Variants in PNLIPRP3 observed in about 807,000 individuals in gnomAD.
PNLIPRP3 encodes the protein pancreatic lipase-related protein 3.
PNLIPRP3 carries 58 observed loss-of-function variants against 52.8 expected under a neutral mutation model. The ratio of observed to expected loss-of-function variants is 1.10; its 90% CI spans 0.89 to 1.37. The LOEUF (loss-of-function observed/expected upper bound fraction) is 1.37. Among genes scored for constraint, PNLIPRP3 ranks in the 40% most tolerant of loss-of-function variants. The probability of loss-of-function intolerance (pLI) is 0.00; values close to 1 mark genes in which losing one functional copy is unlikely to be tolerated. For missense variants in PNLIPRP3, 593 were observed against 561.6 expected (o/e 1.06, Z -0.57); for synonymous variants, 192 against 185.0 (o/e 1.04, Z -0.31).
Position 116,476,783 on chromosome 10 carries a change from A to G in PNLIPRP3, c.1304A>G (p.Glu435Gly). The stretch of plus-strand genomic sequence containing the variant: ...GATTCTCAGAATAAGTTGGGAGCAG[A>G]AATGGTGATAAATACATCTGGGAAA... ...FEDSQNKLGAEMVINTSGKYG... is the reference protein window; with the variant it reads ...FEDSQNKLGAGMVINTSGKYG... Residue 435 changes from glutamate to glycine, a missense_variant, in exon 11 of 12, where the codon GAA (glutamate) becomes GGA (glycine). By Grantham distance (98) the Glu-to-Gly change is moderately conservative. Transcript: ENST00000369230. The G allele has an allele frequency of 6.2e-7, 1 of 1,607,144 alleles. No individual in the cohort carries two copies. The highest frequency in any genetic ancestry group is 8.5e-7 in the Non-Finnish European group (1 of 1,177,606).
At chr10:116,470,597 C>T (rs533557366) in intron 9 of PNLIPRP3, among the ~76,000 whole-genome samples, 27 of 151,552 alleles carry the variant, frequency 1.8e-4, no homozygotes, top group Middle Eastern at 3.4e-3. Flanking sequence ...GCAAGCTCCA[C>T]CTCCCAGGTT....
intron 2 of PNLIPRP3, among the ~76,000 whole-genome samples, chr10:116,437,958 C>A (rs74158463): frequency 3.3e-5 from 5 of 151,980 alleles, no homozygotes; most frequent in African/African-American, 1.2e-4. Flanking sequence ...GGATCACACA[C>A]GGGAAACAGC....
chr10:116,465,350 C>A (rs1011746330), intron 7 of PNLIPRP3, among the ~76,000 whole-genome samples: 6 of 152,066 alleles, frequency 3.9e-5, no homozygotes, highest in Non-Finnish European at 8.8e-5. Flanking sequence ...TCCTGGCTAA[C>A]ATGGTGAAAC....
chr10:116,443,164 A>T lies in PNLIPRP3; in HGVS notation c.314A>T (p.Asp105Val). 6.2e-7 allele frequency: 1 copy of T among 1,610,238 alleles called. No individual in the cohort carries two copies. Among genetic ancestry groups the T allele is most frequent in the Non-Finnish European group, 8.5e-7 (1 of 1,177,746 alleles). The change falls in exon 3 of 12, where the codon GAC (aspartate) becomes GTC (valine). Residue 105 changes from aspartate (D) to valine (V), a missense_variant. Asp to Val is a radical substitution (Grantham distance 152). Transcript: ENST00000369230. The part of the protein sequence containing the change: ...GWKTDGKWQR[D>V]MCNVLLQLED... ...AAAACAGATGGCAAATGGCAGAGAGACATGTGCAATGTATGACATGAATAA... is the reference window on the plus strand; with the variant it reads ...AAAACAGATGGCAAATGGCAGAGAGTCATGTGCAATGTATGACATGAATAA...
chr10:116,439,683 G>C, intron 2 of PNLIPRP3: 1 of 766,650 alleles, frequency 1.3e-6, no homozygotes, highest in Non-Finnish European at 2.4e-6. Context: ...TTTTTGCCAC[G>C]TCTCCAATAG....
At chr10:116,439,455 C>A (rs898492724) in intron 2 of PNLIPRP3, 8 of 658,646 alleles carry the variant, frequency 1.2e-5, no homozygotes, top group Admixed American at 4.5e-5. Flanking sequence ...TAAATAGTTT[C>A]TTTATTCCTC....
chr10:116,435,138 A>G (rs1397943626), intron 1 of PNLIPRP3, among the ~76,000 whole-genome samples: 1 of 152,224 alleles, frequency 6.6e-6, no homozygotes, highest in Non-Finnish European at 1.5e-5. Flanking sequence ...AAAAATATTT[A>G]TCTAGTTATA....
chr10:116,464,127 G>C (rs150684560), intron 7 of PNLIPRP3, among the ~76,000 whole-genome samples: 66 of 152,274 alleles, frequency 4.3e-4, no homozygotes, highest in Non-Finnish European at 8.7e-4. Flanking sequence ...TGTCATGCTT[G>C]ATAATGACAA....
chr10:116,432,858 T>C (rs1845726211), intron 1 of PNLIPRP3, among the ~76,000 whole-genome samples: 1 of 151,966 alleles, frequency 6.6e-6, no homozygotes, highest in South Asian at 2.1e-4. Context: ...CTCATGCCTG[T>C]AATCCCAGCA....
chr10:116,446,277 C>T (rs1227735576), intron 4 of PNLIPRP3, among the ~76,000 whole-genome samples: 1 of 137,484 alleles, frequency 7.3e-6, no homozygotes, highest in Non-Finnish European at 1.5e-5. Flanking sequence ...ACCCGGGAGG[C>T]GGAGCTTGCA....
intron 5 of PNLIPRP3, among the ~76,000 whole-genome samples, chr10:116,456,818 T>A (rs1846123341): frequency 6.6e-6 from 1 of 152,212 alleles, no homozygotes; most frequent in Admixed American, 6.5e-5. Flanking sequence ...GTCTCCTTCA[T>A]CTGCCTTTTC....
intron 4 of PNLIPRP3, among the ~76,000 whole-genome samples, chr10:116,453,908 G>A (rs545116811): frequency 6.6e-6 from 1 of 152,040 alleles, no homozygotes; most frequent in South Asian, 2.1e-4. Flanking sequence ...CATTCATTAG[G>A]TATTTGTCTT....
rs1249285148 is a variant in PNLIPRP3 at position 116,462,862 on chromosome 10, T to C, written c.808+1572T>C. On this transcript the variant is annotated intron_variant, in intron 7 of 11. Coordinates refer to ENST00000369230, the MANE Select transcript of PNLIPRP3 (RefSeq NM_001011709.3). ...TATCATAAGCTATCATTTTGAGACA[T>C]TTTAAGATTTCCTATAACTTTATTG... Among the ~76,000 whole-genome samples, 3 of 152,346 alleles carry C rather than the reference T, an allele frequency of 2.0e-5. No homozygotes were observed. The East Asian group carries it at 5.8e-4, about 29-fold the overall frequency.
At position 116,471,894 on chromosome 10, in the gene PNLIPRP3, A is replaced by G. The variant is rs10749217; in HGVS notation, c.1172+15A>G. The stretch of plus-strand genomic sequence containing the variant: ...GCCATTGTCAGGTAGGCAGAGTGAG[A>G]AACTGACGCTTTGCACAGTGCTGGG... On this transcript the variant is annotated intron_variant, in intron 10 of 11. Transcript: ENST00000369230. 2 of 1,512,920 alleles carry G rather than the reference A, an allele frequency of 1.3e-6. No homozygotes were observed. Among genetic ancestry groups the G allele is most frequent in the South Asian group, 2.3e-5 (2 of 88,460 alleles). The allele number at this position is 1,512,920 out of a possible 1,614,324, so 93.7% of individuals were successfully genotyped here. A position where few individuals can be genotyped will look rare whatever the true frequency, so the allele number is the denominator to read the frequency against.
intron 4 of PNLIPRP3, 125 bp downstream of exon 4, chr10:116,444,638 G>A: frequency 1.0e-6 from 1 of 996,972 alleles, no homozygotes; most frequent in Admixed American, 2.4e-5. Context: ...GAAATAATAA[G>A]CATTTGTATA....
In PNLIPRP3 at chr10:116,436,747, A is replaced by G. The variant is rs1325827844; in HGVS notation, c.86A>G (p.Lys29Arg). 13 of 1,613,170 alleles carry G rather than the reference A, an allele frequency of 8.1e-6. No individual in the cohort carries two copies. Among genetic ancestry groups the G allele is most frequent in the South Asian group, 1.1e-5 (1 of 90,926 alleles). The stretch of plus-strand genomic sequence containing the variant: ...TGCTATGAAAGGTTAGGGTGTTTCA[A>G]AGATGGTTTACCATGGACCAGGACT... ...EVCYERLGCF[K>R]DGLPWTRTFS... is the part of the protein sequence containing the mutation. The change falls in exon 2 of 12, where the codon AAA (lysine) becomes AGA (arginine). Residue 29 changes from lysine (K) to arginine (R), a missense_variant. Physicochemically the swap from Lys to Arg is conservative, Grantham distance 26. Transcript: ENST00000369230.
intron 4 of PNLIPRP3, among the ~76,000 whole-genome samples, chr10:116,445,014 C>T (rs936986053): frequency 6.6e-6 from 1 of 152,152 alleles, no homozygotes; most frequent in East Asian, 1.9e-4. Context: ...CTATACTCTG[C>T]GACATTCACG....
intron 8 of PNLIPRP3, among the ~76,000 whole-genome samples, chr10:116,468,568 C>G (rs1053539043): frequency 6.6e-6 from 1 of 152,192 alleles, no homozygotes; most frequent in Non-Finnish European, 1.5e-5. Flanking sequence ...CAAAAAAGGT[C>G]AAAATACTTC....
intron 10 of PNLIPRP3, among the ~76,000 whole-genome samples, chr10:116,473,811 G>A (rs964253586): frequency 5.3e-5 from 8 of 151,962 alleles, no homozygotes; most frequent in South Asian, 2.1e-4. Flanking sequence ...CTGAGCCACC[G>A]CACCTGGCCA....
Sources: allele counts gnomAD v4.1 joint callset (sites outside exome capture counted in the v4.1 genomes callset), GRCh38; gene constraint gnomAD v4.1.1; transcripts MANE v1.5; gene names NCBI Gene and HGNC (gene_info 2026-07-23, HGNC 2026-07-21).